SLC16A2: variants seen among roughly 807,000 people sequenced by gnomAD.
SLC16A2 encodes the protein monocarboxylate transporter 8.
In SLC16A2, 3 loss-of-function variants were observed where a neutral mutation model predicts 27.2. The ratio of observed to expected loss-of-function variants is 0.11; its 90% CI spans 0.05 to 0.28. The LOEUF (loss-of-function observed/expected upper bound fraction) is 0.28, where lower values mean the gene tolerates loss of function less well. Ranked by LOEUF, SLC16A2 falls within the 10% of genes least tolerant of loss-of-function variation. SLC16A2 has a pLI of 1.00. For synonymous variants in SLC16A2, 202 were observed against 187.8 expected (o/e 1.08, Z -0.62); for missense variants, 295 against 458.5 (o/e 0.64, Z 3.26).
intron 1 of SLC16A2, among the ~76,000 whole-genome samples, chrX:74,437,463 A>G (rs145772511): frequency 8.9e-6 from 1 of 111,987 alleles, no homozygotes; most frequent in African/African-American, 3.2e-5. Context: ...CAGTATCTTC[A>G]TTACCCTACA....
intron 1 of SLC16A2, among the ~76,000 whole-genome samples, chrX:74,499,657 T>A (rs1425345387): frequency 1.8e-5 from 2 of 110,865 alleles, no homozygotes; most frequent in Non-Finnish European, 3.8e-5. Context: ...TTTTGCCATG[T>A]TGGCCGGGCT....
intron 1 of SLC16A2, among the ~76,000 whole-genome samples, chrX:74,434,452 G>C (rs1454660072): frequency 9.0e-6 from 1 of 111,521 alleles, no homozygotes; most frequent in East Asian, 2.8e-4. Flanking sequence ...GTGAGTCACT[G>C]TTCCCCATTA....
At position 74,529,305 on chromosome X, in the gene SLC16A2, C is replaced by T. The variant is rs764544832; in HGVS notation, c.1263C>T (p.Gly421=). 1 of 1,210,951 alleles carries T rather than the reference C, an allele frequency of 8.3e-7. No individual in the cohort carries two copies. Among genetic ancestry groups the T allele is most frequent in the East Asian group, 3.0e-5 (1 of 33,847 alleles). The change falls in exon 5 of 6, where the codon GGC becomes GGT. Residue 421 remains glycine (G), a synonymous_variant. Coordinates refer to ENST00000587091, the MANE Select transcript of SLC16A2 (RefSeq NM_006517.5). ...TTATCGTCGTCTGTCTTTTCCTGGG[C>T]CTTTGCGATGGCTTCTTCATCACCA... ...GGLIVVCLFL[G]LCDGFFITIM... is the part of the protein sequence containing the mutation.
At chrX:74,506,269 C>T (rs1301272894) in intron 1 of SLC16A2, among the ~76,000 whole-genome samples, 1 of 111,951 alleles carries the variant, frequency 8.9e-6, no homozygotes, top group African/African-American at 3.3e-5. Flanking sequence ...GAAGTAGATA[C>T]GGCATGGTGA....
At chrX:74,462,091 C>T (rs1234005415) in intron 1 of SLC16A2, among the ~76,000 whole-genome samples, 1 of 112,085 alleles carries the variant, frequency 8.9e-6, no homozygotes, top group Non-Finnish European at 1.9e-5. Flanking sequence ...GAAACCCCAC[C>T]TCTGTTGGCC....
intron 1 of SLC16A2, among the ~76,000 whole-genome samples, chrX:74,454,662 GC>G (rs1210247831): frequency 9.1e-6 from 1 of 109,513 alleles, no homozygotes; most frequent in African/African-American, 3.3e-5. Flanking sequence ...CACCAACATG[GC>G]ACATGTATAC....
intron 1 of SLC16A2, among the ~76,000 whole-genome samples, chrX:74,508,629 T>C (rs1439744762): frequency 4.5e-5 from 5 of 112,180 alleles, no homozygotes. Context: ...TATAATGTTG[T>C]CTGTAAATAA....
chrX:74,500,271 A>G (rs1305675672), intron 1 of SLC16A2, among the ~76,000 whole-genome samples: 1 of 111,297 alleles, frequency 9.0e-6, no homozygotes, highest in Non-Finnish European at 1.9e-5. Context: ...AGAGCTGGTA[A>G]TTGAGGTCCA....
intron 2 of SLC16A2, among the ~76,000 whole-genome samples, chrX:74,521,623 C>A (rs1485447508): frequency 2.7e-5 from 3 of 112,320 alleles, no homozygotes; most frequent in Non-Finnish European, 5.6e-5. Context: ...CATGTGAACA[C>A]CTAGCACAGG....
chrX:74,485,059 A>T (rs928915799), intron 1 of SLC16A2, among the ~76,000 whole-genome samples: 3 of 110,719 alleles, frequency 2.7e-5, no homozygotes, highest in Non-Finnish European at 5.7e-5. Context: ...TCTACTAAAA[A>T]TACAAAACTA....
chrX:74,531,493 T>C lies in SLC16A2; in HGVS notation c.1560T>C (p.Pro520=). ...CCAGCAAGGATAAGATGTTGGCCCC[T>C]GACCCAGACCCCAATGGGGAGCTAC... is the stretch of plus-strand genomic sequence containing the variant. ...RDSSKDKMLA[P]DPDPNGELLP... is the part of the protein sequence containing the mutation. The change falls in exon 6 of 6, where the codon CCT becomes CCC. Residue 520 remains proline (P), a synonymous_variant. Coordinates refer to ENST00000587091, the MANE Select transcript of SLC16A2 (RefSeq NM_006517.5). 7.4e-6 allele frequency: 9 copies of C among 1,211,479 alleles called. No individual in the cohort carries two copies. The highest frequency in any genetic ancestry group is 1.0e-5 in the Non-Finnish European group (9 of 895,434).
chrX:74,428,139 C>T (rs1217293457), intron 1 of SLC16A2, among the ~76,000 whole-genome samples: 1 of 111,298 alleles, frequency 9.0e-6, no homozygotes, highest in Non-Finnish European at 1.9e-5. Flanking sequence ...TCAAATATTA[C>T]TGGGAAGCGG....
intron 1 of SLC16A2, among the ~76,000 whole-genome samples, chrX:74,452,113 C>G (rs920071229): frequency 2.7e-5 from 3 of 112,446 alleles, no homozygotes; most frequent in Non-Finnish European, 5.6e-5. Context: ...AGTTGGCAAG[C>G]CCCCAAGGCG....
chrX:74,486,483 G>T (rs1929723004), intron 1 of SLC16A2, among the ~76,000 whole-genome samples: 2 of 111,877 alleles, frequency 1.8e-5, no homozygotes, highest in Admixed American at 9.5e-5. Context: ...AATTTCATGT[G>T]CTCATCATCA....
intron 1 of SLC16A2, among the ~76,000 whole-genome samples, chrX:74,496,583 A>T (rs1268883527): frequency 8.9e-6 from 1 of 111,942 alleles, no homozygotes; most frequent in Non-Finnish European, 1.9e-5. Context: ...AACCCAGAAC[A>T]ACCCATCTCA....
chrX:74,516,546 T>C (rs920915225), intron 1 of SLC16A2, among the ~76,000 whole-genome samples: 3 of 111,542 alleles, frequency 2.7e-5, no homozygotes, highest in Non-Finnish European at 5.6e-5. Context: ...TGATGTTGTA[T>C]ACATATGATG....
intron 1 of SLC16A2, among the ~76,000 whole-genome samples, chrX:74,474,474 T>C (rs1929423379): frequency 1.0e-5 from 1 of 95,380 alleles, no homozygotes; most frequent in Non-Finnish European, 2.0e-5. Flanking sequence ...GCAGATTCCT[T>C]AGTGTTTTTT....
chrX:74,432,277 A>G (rs1314907770), intron 1 of SLC16A2, among the ~76,000 whole-genome samples: 1 of 111,351 alleles, frequency 9.0e-6, no homozygotes, highest in Non-Finnish European at 1.9e-5. Flanking sequence ...GGGCTAGGGG[A>G]CATCAAGCAT....
chrX:74,528,643 C>T (rs376398162), intron 4 of SLC16A2, among the ~76,000 whole-genome samples: 3 of 111,553 alleles, frequency 2.7e-5, no homozygotes, highest in Non-Finnish European at 3.8e-5. Flanking sequence ...AGCATAGGAA[C>T]CTGGGTGAAT....
Sources: allele counts gnomAD v4.1 joint callset (sites outside exome capture counted in the v4.1 genomes callset), GRCh38; gene constraint gnomAD v4.1.1; transcripts MANE v1.5; gene names NCBI Gene and HGNC (gene_info 2026-07-23, HGNC 2026-07-21).